Variants in MGAT5B observed in about 807,000 individuals in gnomAD.
MGAT5B encodes alpha-1,6-mannosylglycoprotein 6-beta-N-acetylglucosaminyltransferase B.
A neutral mutation model predicts 95.1 loss-of-function variants in MGAT5B; 54 were observed. The ratio of observed to expected loss-of-function variants is 0.57; its 90% CI spans 0.46 to 0.71. MGAT5B has a LOEUF of 0.71. Among genes scored for constraint, MGAT5B ranks in the 30% least tolerant of loss-of-function variants. The pLI is 0.00. For synonymous variants in MGAT5B, 464 were observed against 451.0 expected (o/e 1.03, Z -0.36); for missense variants, 935 against 1,088.6 (o/e 0.86, Z 1.99).
At chr17:76,888,915 C>G (rs1232891979) in intron 3 of MGAT5B, among the ~76,000 whole-genome samples, 2 of 152,240 alleles carry the variant, frequency 1.3e-5, no homozygotes, top group Non-Finnish European at 2.9e-5. Flanking sequence ...GCATCTGGGT[C>G]CGGCCTGTGG....
In MGAT5B at chr17:76,918,205, T is replaced by G. The variant is rs1189041367; in HGVS notation, c.1026-6761T>G. 6.6e-6 allele frequency among the ~76,000 whole-genome samples: 1 copy of G among 152,054 alleles called. No individual in the cohort carries two copies. The highest frequency in any genetic ancestry group is 1.5e-5 in the Non-Finnish European group (1 of 67,990). ...GCTCCCCCCCAACAACTGCACGCCT[T>G]GTACCGCACCCCCACCCCCGCACCC... On this transcript the variant is annotated intron_variant, in intron 8 of 17. Transcript: ENST00000569840. This position sits in a 1 kb window ranked among gnomAD's most constrained non-coding sequence, Gnocchi z 5.1.
At chr17:76,872,620 G>A in intron 1 of MGAT5B, 1 of 1,449,668 alleles carries the variant, frequency 6.9e-7, no homozygotes, top group Non-Finnish European at 9.1e-7. Context: ...GCGTCATTCT[G>A]CCTTGTGGTT....
At position 76,912,270 on chromosome 17, in the gene MGAT5B, C is replaced by T. The variant is rs1968766791; in HGVS notation, c.1025+6083C>T. Among the ~76,000 whole-genome samples the T allele has an allele frequency of 6.6e-6, 1 of 152,098 alleles. No homozygotes were observed. The highest frequency in any genetic ancestry group is 1.5e-5 in the Non-Finnish European group (1 of 68,020). The stretch of plus-strand genomic sequence containing the variant: ...TGTAAACCCATAATAAGATGGCAAC[C>T]ACTGGGGGGCCCTGGGCAGAGTTCC... On this transcript the variant is annotated intron_variant, in intron 8 of 17. Transcript: ENST00000569840. This position sits in a 1 kb window ranked among gnomAD's most constrained non-coding sequence, Gnocchi z 5.0.
In MGAT5B at chr17:76,930,479, C is replaced by A. The variant is rs533992095; in HGVS notation, c.1292-2166C>A. Among the ~76,000 whole-genome samples the A allele has an allele frequency of 6.6e-6, 1 of 152,322 alleles. No homozygotes were observed. The highest frequency in any genetic ancestry group is 2.4e-5 in the African/African-American group (1 of 41,552). On this transcript the variant is annotated intron_variant, in intron 10 of 17. Coordinates refer to ENST00000569840, the MANE Select transcript of MGAT5B (RefSeq NM_001199172.2). The surrounding 1 kb of genome is among the most constrained non-coding windows in gnomAD (Gnocchi z 4.1). ...CAGCTGCTCCCAGCCTCCTCACTCACCATAGCCCCTTCCGTGCGGGAAGGT... is the reference window on the plus strand; with the variant it reads ...CAGCTGCTCCCAGCCTCCTCACTCAACATAGCCCCTTCCGTGCGGGAAGGT...
chr17:76,932,842 A>G (rs1038819604), intron 11 of MGAT5B, 67 bp downstream of exon 11: 2 of 1,578,348 alleles, frequency 1.3e-6, no homozygotes, highest in African/African-American at 2.7e-5. Context: ...TGGGTCCCGC[A>G]TCTCCTCCTT....
intron 3 of MGAT5B, among the ~76,000 whole-genome samples, chr17:76,890,985 G>T (rs1967843431): frequency 1.6e-5 from 2 of 121,222 alleles, no homozygotes; most frequent in East Asian, 2.6e-4. Flanking sequence ...TTTTTTTGGA[G>T]ACTGATTCTC....
At chr17:76,903,605 C>T (rs543378788) in intron 5 of MGAT5B, among the ~76,000 whole-genome samples, 11 of 152,334 alleles carry the variant, frequency 7.2e-5, no homozygotes, top group East Asian at 5.8e-4. Context: ...CGCCAGCAGC[C>T]GGATTCCCCC....
chr17:76,945,284 ATATT>A (rs1310428869), intron 15 of MGAT5B, among the ~76,000 whole-genome samples: 1 of 151,862 alleles, frequency 6.6e-6, no homozygotes, highest in Non-Finnish European at 1.5e-5. Context: ...TGACTATTAG[ATATT>A]TATTTATTTA....
chr17:76,932,722 G>C lies in MGAT5B; in HGVS notation c.1369G>C (p.Gly457Arg), dbSNP rs747595499. 6.2e-7 allele frequency: 1 copy of C among 1,613,992 alleles called. No individual in the cohort carries two copies. Among genetic ancestry groups the C allele is most frequent in the Non-Finnish European group, 8.5e-7 (1 of 1,179,946 alleles). ...GACGGAGAAGCGGCTCATCAAAGGC[G>C]GCAAGGCCAGCAACATGGCCGTGGT... is the stretch of plus-strand genomic sequence containing the variant. The part of the protein sequence containing the change: ...NETEKRLIKG[G>R]KASNMAVVYG... Residue 457 changes from glycine (G) to arginine (R), a missense_variant, in exon 11 of 18, where the codon GGC (glycine) becomes CGC (arginine). Gly to Arg is a moderately radical substitution (Grantham distance 125). Around this residue, in one of 4 missense-constraint regions of MGAT5B, gnomAD observed 440 missense variants for 523.6 expected, o/e 0.84. Transcript: ENST00000569840.
At chr17:76,943,895 GAGA>G (rs1396624207) in intron 15 of MGAT5B, 3 of 152,358 alleles carry the variant, frequency 2.0e-5, no homozygotes, top group East Asian at 1.9e-4. Flanking sequence ...AGAAAGAGGT[GAGA>G]AGAAGAGGTG....
intron 12 of MGAT5B, among the ~76,000 whole-genome samples, chr17:76,935,866 TAC>T (rs1969642966): frequency 1.5e-5 from 2 of 130,600 alleles, no homozygotes; most frequent in African/African-American, 2.8e-5. Context: ...ATATATTATA[TAC>T]ATTATATATA....
intron 8 of MGAT5B, among the ~76,000 whole-genome samples, chr17:76,919,425 A>G (rs997383721): frequency 1.3e-5 from 2 of 152,124 alleles, no homozygotes; most frequent in African/African-American, 4.8e-5. Flanking sequence ...CTTAAAAATT[A>G]TTTTTAAATT....
chr17:76,904,943 G>A (rs551678088), intron 6 of MGAT5B, among the ~76,000 whole-genome samples: 7 of 152,348 alleles, frequency 4.6e-5, no homozygotes, highest in South Asian at 4.1e-4. Flanking sequence ...GGCCACCTCC[G>A]TGGAAGGGCT....
intron 8 of MGAT5B, among the ~76,000 whole-genome samples, chr17:76,922,806 T>C (rs1180829369): frequency 6.6e-6 from 1 of 152,142 alleles, no homozygotes; most frequent in Non-Finnish European, 1.5e-5. Context: ...TTTAAGTTTA[T>C]AGACAAGAAA....
At chr17:76,885,665 C>T (rs1340291032) in intron 3 of MGAT5B, among the ~76,000 whole-genome samples, 4 of 152,184 alleles carry the variant, frequency 2.6e-5, no homozygotes, top group Non-Finnish European at 5.9e-5. Context: ...CCATCACGAC[C>T]GGCAGAGCCC....
At chr17:76,877,864 G>A (rs550579598) in intron 2 of MGAT5B, among the ~76,000 whole-genome samples, 1 of 152,192 alleles carries the variant, frequency 6.6e-6, no homozygotes, top group South Asian at 2.1e-4. Flanking sequence ...GAGACAGAGA[G>A]AGACGAAGAG....
intron 3 of MGAT5B, among the ~76,000 whole-genome samples, chr17:76,888,783 C>T (rs1020510857): frequency 8.5e-5 from 13 of 152,164 alleles, no homozygotes; most frequent in African/African-American, 3.1e-4. Flanking sequence ...TGGCCACCTG[C>T]GGAACCAGAG....
chr17:76,937,184 GC>G (rs1969705412), intron 12 of MGAT5B, among the ~76,000 whole-genome samples: 1 of 152,302 alleles, frequency 6.6e-6, no homozygotes, highest in Non-Finnish European at 1.5e-5. Flanking sequence ...AATGGATTCA[GC>G]CCCTGCAAGG....
chr17:76,932,626 C>T lies in MGAT5B; in HGVS notation c.1292-19C>T, dbSNP rs754600997. On this transcript the variant is annotated intron_variant, in intron 10 of 17. Transcript: ENST00000569840. ...TGGTTGTTTGGTGACCCCATTCCTT[C>T]TGCGTGCTCGGGCTGCAGCTCATAC... 8 of 1,611,610 alleles carry T rather than the reference C, an allele frequency of 5.0e-6. No homozygotes were observed. In the South Asian group the frequency reaches 8.8e-5, roughly 18 times the overall value.
Sources: allele counts gnomAD v4.1 joint callset (sites outside exome capture counted in the v4.1 genomes callset), GRCh38; gene constraint gnomAD v4.1.1; regional missense constraint gnomAD v4.1.1; non-coding constraint Gnocchi (gnomAD v3.1); transcripts MANE v1.5; gene names NCBI Gene and HGNC (gene_info 2026-07-23, HGNC 2026-07-21).